The following KIAA1671 variants were observed in gnomAD, a reference collection of about 807,000 sequenced individuals.
KIAA1671 encodes the protein uncharacterized protein KIAA1671.
KIAA1671 carries 52 observed loss-of-function variants against 131.2 expected under a neutral mutation model. The observed-to-expected ratio is 0.40, with a 90% confidence interval of 0.32 to 0.50. The LOEUF (loss-of-function observed/expected upper bound fraction) is 0.50, where lower values mean the gene tolerates loss of function less well. Ranked by LOEUF, KIAA1671 falls within the 20% of genes least tolerant of loss-of-function variation. The pLI is 0.73. For missense variants in KIAA1671, 2,360 were observed against 2,364.2 expected, an observed-to-expected ratio of 1.00 and a Z score of 0.04; for synonymous variants, 1,003 against 961.6, an observed-to-expected ratio of 1.04 and a Z score of -0.80.
intron 6 of KIAA1671, among the ~76,000 whole-genome samples, chr22:25,074,367 T>C (rs1207700905): frequency 6.6e-6 from 1 of 151,004 alleles, no homozygotes; most frequent in East Asian, 2.0e-4. Flanking sequence ...TAGTTGGGCA[T>C]GGTGGTGTGT....
intron 6 of KIAA1671, among the ~76,000 whole-genome samples, chr22:25,142,311 A>T (rs1236878804): frequency 3.3e-5 from 5 of 152,290 alleles, no homozygotes; most frequent in African/African-American, 1.2e-4. Context: ...AGAAGGGGAA[A>T]ATCAGCAGTC....
chr22:25,177,183 G>A, intron 8 of KIAA1671, 165 bp from the exon 9 acceptor site: 1 of 653,118 alleles, frequency 1.5e-6, no homozygotes, highest in Non-Finnish European at 2.6e-6. Flanking sequence ...GGGAAATTTA[G>A]GCTTTGGGTG....
chr22:25,068,552 T>G (rs1363186020), intron 6 of KIAA1671, among the ~76,000 whole-genome samples: 1 of 152,154 alleles, frequency 6.6e-6, no homozygotes, highest in Non-Finnish European at 1.5e-5. Context: ...TTCTCCTGCC[T>G]CAGCCTCCCG....
chr22:25,104,969 G>C (rs930697809), intron 6 of KIAA1671, among the ~76,000 whole-genome samples: 2 of 152,046 alleles, frequency 1.3e-5, no homozygotes, highest in Admixed American at 1.3e-4. Flanking sequence ...AATGTTTGTT[G>C]AATGAATGAA....
At chr22:25,026,995 G>A (rs1450369523) in intron 2 of KIAA1671, among the ~76,000 whole-genome samples, 1 of 152,134 alleles carries the variant, frequency 6.6e-6, no homozygotes, top group Non-Finnish European at 1.5e-5. Context: ...TCTCCTAATT[G>A]TACCCACTAA....
chr22:25,052,674 A>G (rs959928690), intron 6 of KIAA1671: 4 of 151,932 alleles, frequency 2.6e-5, no homozygotes, highest in Admixed American at 6.6e-5. Flanking sequence ...CTCTTAGCAC[A>G]GTGCCTGACA....
At position 25,195,342 on chromosome 22, in the gene KIAA1671, C is replaced by G. The variant is rs1322506455; in HGVS notation, c.*2941C>G. ...CCTTTGAAAATCCATGACAAGGCCT[C>G]AGAAATCAGTGTTGTGGAGGATTAC... On this transcript the variant is annotated 3_prime_UTR_variant, in exon 13 of 13. Coordinates refer to ENST00000358431, the MANE Select transcript of KIAA1671 (RefSeq NM_001145206.2). 4 of 152,272 alleles carry G rather than the reference C, an allele frequency of 2.6e-5. No individual in the cohort carries two copies. The highest frequency in any genetic ancestry group is 9.6e-5 in the African/African-American group (4 of 41,568). 9.4% of individuals were successfully genotyped at this position (152,272 alleles called of 1,614,324 possible).
At chr22:25,076,667 C>T (rs764247060) in intron 6 of KIAA1671, among the ~76,000 whole-genome samples, 1 of 152,232 alleles carries the variant, frequency 6.6e-6, no homozygotes, top group Non-Finnish European at 1.5e-5. Context: ...GAGATAACCT[C>T]GCCAGACGGT....
intron 1 of KIAA1671, among the ~76,000 whole-genome samples, chr22:24,984,070 G>A (rs1401979731): frequency 6.6e-6 from 1 of 152,118 alleles, no homozygotes; most frequent in Non-Finnish European, 1.5e-5. Flanking sequence ...GAGCAACCGC[G>A]CCTGGCCGGT....
In KIAA1671 at chr22:25,093,838, G is replaced by GTGTCTCTC. The variant is rs1930252075; in HGVS notation, c.4530+44475_4530+44476insGTCTCTCT. ...TCTCTCTCTCTTTCTCTCTCTGTCT[G>GTGTCTCTC]TCTCTCTCTCTCTCTCTCTCTCTCT... On this transcript the variant is annotated intron_variant, in intron 6 of 12. Transcript: ENST00000358431. Among the ~76,000 whole-genome samples the GTGTCTCTC allele has an allele frequency of 3.1e-4, 6 of 19,640 alleles. 1 individual carries two copies. The highest frequency in any genetic ancestry group is 4.4e-4 in the Non-Finnish European group (5 of 11,414). 12.9% of individuals were successfully genotyped at this position (19,640 alleles called of 152,430 possible).
At chr22:25,013,631 A>G (rs1291149868) in intron 1 of KIAA1671, 1 of 152,220 alleles carries the variant, frequency 6.6e-6, no homozygotes, top group Non-Finnish European at 1.5e-5. Flanking sequence ...TGAGTCAAGC[A>G]TTGTGCTGCT....
chr22:25,172,419 G>A (rs1036120571), intron 7 of KIAA1671, among the ~76,000 whole-genome samples: 2 of 152,160 alleles, frequency 1.3e-5, no homozygotes, highest in Non-Finnish European at 2.9e-5. Context: ...CCTTCATCCC[G>A]TGTGGATTTG....
chr22:24,959,689 C>G (rs1407317677), intron 1 of KIAA1671, among the ~76,000 whole-genome samples: 1 of 152,164 alleles, frequency 6.6e-6, no homozygotes, highest in Non-Finnish European at 1.5e-5. Context: ...TAGGAATCCT[C>G]TGGTCAACTG....
intron 6 of KIAA1671, among the ~76,000 whole-genome samples, chr22:25,110,578 G>A (rs1291287609): frequency 6.6e-6 from 1 of 152,184 alleles, no homozygotes; most frequent in African/African-American, 2.4e-5. Context: ...GCTAGAAGGA[G>A]AAACCTCCTT....
intron 1 of KIAA1671, among the ~76,000 whole-genome samples, chr22:24,953,202 C>T (rs1921503113): frequency 6.6e-6 from 1 of 152,154 alleles, no homozygotes; most frequent in Non-Finnish European, 1.5e-5. Flanking sequence ...GGATCAATCT[C>T]CTCCCATGCC....
rs146113783 is a variant in KIAA1671 at position 25,069,634 on chromosome 22, G to A, written c.4530+20270G>A. 2.7e-3 allele frequency among the ~76,000 whole-genome samples: 415 copies of A among 152,264 alleles called. 1 individual carries two copies. The highest frequency in any genetic ancestry group is 9.5e-3 in the African/African-American group (393 of 41,532). ...AAGTCCCTTGACTTCTCTGGGCCTC[G>A]GTTTTCCTCTCTGTAAAATGGGGAT... On this transcript the variant is annotated intron_variant, in intron 6 of 12. Transcript: ENST00000358431.
rs1568951397 is a variant in KIAA1671 at position 25,093,804 on chromosome 22, CTCTCTCTG to C, written c.4530+44448_4530+44455del. 2.0e-4 allele frequency among the ~76,000 whole-genome samples: 27 copies of C among 137,880 alleles called. 1 individual carries two copies. Among genetic ancestry groups the C allele is most frequent in the East Asian group, 4.2e-4 (2 of 4,724 alleles). The allele number at this position is 137,880 out of a possible 152,430, so 90.5% of individuals were successfully genotyped here. On this transcript the variant is annotated intron_variant, in intron 6 of 12. Transcript: ENST00000358431. ...TCTCTCTCTCTCTCTCTCTCTCTCTCTCTCTCTGTCTCTCTCTCTTTCTCTCTCTGTCT... is the reference window on the plus strand; with the variant it reads ...TCTCTCTCTCTCTCTCTCTCTCTCTCTCTCTCTCTCTTTCTCTCTCTGTCT...
Position 24,970,742 on chromosome 22 carries a change from C to CA in KIAA1671, c.-208+17974dup, listed in dbSNP as rs1233623049. ...ATAGTTGATGAGCTAAAAAAAAAAA[C>CA]AAAACAAAACTCATAACATTTTAAG... On this transcript the variant is annotated intron_variant, in intron 1 of 12. Coordinates refer to ENST00000358431, the MANE Select transcript of KIAA1671 (RefSeq NM_001145206.2). Among the ~76,000 whole-genome samples, 1,309 of 145,812 alleles carry CA rather than the reference C, an allele frequency of 9.0e-3. 35 individuals carry two copies. The highest frequency in any genetic ancestry group is 0.032 in the African/African-American group (1,239 of 38,852).
chr22:25,177,604 G>A (rs1934083670), intron 9 of KIAA1671, 82 bp downstream of exon 9: 1 of 1,247,692 alleles, frequency 8.0e-7, no homozygotes, highest in Non-Finnish European at 1.1e-6. Flanking sequence ...AAAAATTCCT[G>A]ACTTGGAAGG....
Sources: allele counts gnomAD v4.1 joint callset (sites outside exome capture counted in the v4.1 genomes callset), GRCh38; gene constraint gnomAD v4.1.1; transcripts MANE v1.5; gene names NCBI Gene and HGNC (gene_info 2026-07-23, HGNC 2026-07-21).